Variants in CIP2A observed in about 807,000 individuals in gnomAD.
The protein encoded by CIP2A is protein CIP2A.
Under a neutral mutation model 110.9 loss-of-function variants are expected in CIP2A, and 103 were observed. That is an observed-to-expected ratio of 0.93 (90% CI 0.79 to 1.09). The LOEUF (loss-of-function observed/expected upper bound fraction) is 1.09, where lower values mean the gene tolerates loss of function less well. Ranked by LOEUF, CIP2A falls within the 50% of genes least tolerant of loss-of-function variation. The pLI is 0.00. For missense variants in CIP2A, 1,088 were observed against 1,038.4 expected, an observed-to-expected ratio of 1.05 and a Z score of -0.66; for synonymous variants, 381 against 361.6, an observed-to-expected ratio of 1.05 and a Z score of -0.61.
intron 8 of CIP2A, among the ~76,000 whole-genome samples, chr3:108,575,238 CA>C (rs1284499066): frequency 6.6e-6 from 1 of 151,718 alleles, no homozygotes; most frequent in Non-Finnish European, 1.5e-5. Context: ...TTTATTTATA[CA>C]AAGTTCCAAA....
intron 13 of CIP2A, among the ~76,000 whole-genome samples, chr3:108,562,043 A>G (rs1443487755): frequency 2.6e-5 from 4 of 152,134 alleles, no homozygotes; most frequent in Non-Finnish European, 5.9e-5. Context: ...TGTAACTTGA[A>G]AAGCTTCCTG....
intron 1 of CIP2A, chr3:108,585,693 C>A (rs1368282759): frequency 4.4e-6 from 2 of 456,196 alleles, no homozygotes; most frequent in Admixed American, 2.4e-5. Flanking sequence ...AAAAATGAAG[C>A]CCAGAGGGTA....
At chr3:108,563,624 C>A (rs1349471109) in intron 12 of CIP2A, among the ~76,000 whole-genome samples, 1 of 151,614 alleles carries the variant, frequency 6.6e-6, no homozygotes, top group Non-Finnish European at 1.5e-5. Flanking sequence ...CAAATTAAGG[C>A]TATAAAATAA....
At chr3:108,567,210 T>C (rs1488873056) in intron 10 of CIP2A, among the ~76,000 whole-genome samples, 1 of 151,624 alleles carries the variant, frequency 6.6e-6, no homozygotes, top group Non-Finnish European at 1.5e-5. Flanking sequence ...CCAATTAAAT[T>C]AGAAACTCTT....
At position 108,553,715 on chromosome 3, in the gene CIP2A, T is replaced by C. The variant is rs1937664877; in HGVS notation, c.2340A>G (p.Leu780=). The change falls in exon 19 of 21, where the codon TTA becomes TTG. Residue 780 remains leucine, a synonymous_variant. Coordinates refer to ENST00000295746, the MANE Select transcript of CIP2A (RefSeq NM_020890.3). ...CTTTTCTCTGTTCTTCTTTCTCTAT[T>C]AATTGGGCAATACTTCTGAAGTTAT... is the stretch of plus-strand genomic sequence containing the variant. ...KEQNEKSIAQ[L]IEKEEQRKEV... is the part of the protein sequence containing the mutation. 1 of 1,471,970 alleles carries C rather than the reference T, an allele frequency of 6.8e-7. No individual in the cohort carries two copies. Among genetic ancestry groups the C allele is most frequent in the Non-Finnish European group, 9.5e-7 (1 of 1,054,344 alleles). The allele number at this position is 1,471,970 out of a possible 1,614,324, so 91.2% of individuals were successfully genotyped here.
rs777292363 is a variant in CIP2A at position 108,581,504 on chromosome 3, A to G, written c.460T>C (p.Ser154Pro). ...ITFLIDHIQS[S>P]EDELKMPCLG... ...CAAGGCATTTTTAACTCATCTTCAG[A>G]AGATTGACTGTTGTTTTACATTGGT... The change falls in exon 5 of 21, where the codon TCT becomes CCT. Residue 154 changes from serine to proline, a missense_variant. Transcript: ENST00000295746. 3.1e-6 allele frequency: 5 copies of G among 1,601,874 alleles called. No homozygotes were observed. The Admixed American group carries it at 6.7e-5, about 21-fold the overall frequency.
intron 19 of CIP2A, 117 bp downstream of exon 19, chr3:108,553,531 A>G (rs1326501668): frequency 1.3e-5 from 12 of 904,348 alleles, no homozygotes; most frequent in Non-Finnish European, 1.9e-5. Flanking sequence ...AAGCCATTCC[A>G]AATATGATTT....
intron 4 of CIP2A, 26 bp downstream of exon 4, chr3:108,582,082 G>T (rs754159019): frequency 3.0e-6 from 3 of 1,003,070 alleles, no homozygotes; most frequent in South Asian, 1.6e-5. Flanking sequence ...TAAACTATTT[G>T]GTTTTATGTT....
chr3:108,569,092 G>A (rs1030152660), intron 9 of CIP2A, among the ~76,000 whole-genome samples: 3 of 138,604 alleles, frequency 2.2e-5, no homozygotes, highest in Admixed American at 7.8e-5. Context: ...GAGAGACAAT[G>A]TAACTATCCC....
chr3:108,585,751 T>G (rs1474871191), intron 1 of CIP2A: 1 of 456,404 alleles, frequency 2.2e-6, no homozygotes, highest in African/African-American at 2.0e-5. Context: ...ATAGGTGAGC[T>G]CAGAAGTTAA....
chr3:108,560,751 G>T lies in CIP2A; in HGVS notation c.1725C>A (p.His575Gln), dbSNP rs775103248. ...AACACTTTATTGATGTTGGAAAACT[G>T]TGATTTGATGATTGCCAGGGCATTT... ...PRKMPWQSSN[H>Q]SFPTSIKCLT... The change falls in exon 14 of 21, where the codon CAC becomes CAA. Residue 575 changes from histidine (H) to glutamine (Q), a missense_variant. Transcript: ENST00000295746. 6.2e-7 allele frequency: 1 copy of T among 1,612,492 alleles called. No homozygotes were observed. The highest frequency in any genetic ancestry group is 8.5e-7 in the Non-Finnish European group (1 of 1,178,844).
chr3:108,570,877 T>A lies in CIP2A; in HGVS notation c.895-1270A>T, dbSNP rs913446373. ...TTTATAAACCTATCCATTTTTAAAG[T>A]TTTTGACTCTTTTGTAGTAAGAGAA... On this transcript the variant is annotated intron_variant, in intron 8 of 20. Transcript: ENST00000295746. 2.0e-5 allele frequency among the ~76,000 whole-genome samples: 3 copies of A among 152,170 alleles called. No individual in the cohort carries two copies. The South Asian group carries it at 6.2e-4, about 31-fold the overall frequency.
chr3:108,552,066 A>G (rs1937608188), intron 20 of CIP2A, among the ~76,000 whole-genome samples, 168 bp downstream of exon 20: 1 of 152,180 alleles, frequency 6.6e-6, no homozygotes, highest in South Asian at 2.1e-4. Flanking sequence ...ACTATTTTAG[A>G]AAATACATTA....
chr3:108,557,122 T>C lies in CIP2A; in HGVS notation c.2210+96A>G, dbSNP rs530693394. 5 of 715,978 alleles carry C rather than the reference T, an allele frequency of 7.0e-6. No homozygotes were observed. The East Asian group carries it at 7.6e-5, about 11-fold the overall frequency. 44.4% of individuals were successfully genotyped at this position (715,978 alleles called of 1,614,324 possible). ...TTACCTCATGTGTTATCAGAATATA[T>C]GAAATGCTTACAAAAGGATTTTCGG... is the stretch of plus-strand genomic sequence containing the variant. On this transcript the variant is annotated intron_variant, in intron 17 of 20. Coordinates refer to ENST00000295746, the MANE Select transcript of CIP2A (RefSeq NM_020890.3).
At chr3:108,587,397 G>A (rs1424785206) in intron 1 of CIP2A, among the ~76,000 whole-genome samples, 1 of 152,112 alleles carries the variant, frequency 6.6e-6, no homozygotes, top group Non-Finnish European at 1.5e-5. Flanking sequence ...AGATTTTATT[G>A]AGTGGAAAAG....
chr3:108,569,514 T>A lies in CIP2A; in HGVS notation c.988A>T (p.Thr330Ser). Residue 330 changes from threonine to serine, a missense_variant, in exon 9 of 21, where the codon ACT (threonine) becomes TCT (serine). Coordinates refer to ENST00000295746, the MANE Select transcript of CIP2A (RefSeq NM_020890.3). ...AAACATTTAGTATGGCTTCCCAGAG[T>A]GGCGCTGCCAGGTGGAGACTGTTCA... is the stretch of plus-strand genomic sequence containing the variant. Reference protein sequence around the residue: ...MFEQSPPGSATLGSHTKCLEP... With the variant: ...MFEQSPPGSASLGSHTKCLEP... 6.2e-7 allele frequency: 1 copy of A among 1,612,726 alleles called. No individual in the cohort carries two copies. Among genetic ancestry groups the A allele is most frequent in the Non-Finnish European group, 8.5e-7 (1 of 1,179,320 alleles).
intron 20 of CIP2A, 83 bp from the exon 21 acceptor site, chr3:108,551,402 G>T: frequency 1.0e-6 from 1 of 985,618 alleles, no homozygotes; most frequent in South Asian, 2.5e-5. Context: ...ATTTTAAGAT[G>T]CTTTTATTTT....
chr3:108,579,476 C>T, intron 6 of CIP2A, 50 bp from the exon 7 acceptor site: 1 of 1,560,802 alleles, frequency 6.4e-7, no homozygotes, highest in Admixed American at 1.9e-5. Context: ...TAAGTTGACA[C>T]CATCCTAAAA....
chr3:108,589,407 C>T lies in CIP2A; in HGVS notation c.-32G>A, dbSNP rs1939239185. 1 of 1,511,412 alleles carries T rather than the reference C, an allele frequency of 6.6e-7. No individual in the cohort carries two copies. The highest frequency in any genetic ancestry group is 9.1e-7 in the Non-Finnish European group (1 of 1,095,746). The allele number at this position is 1,511,412 out of a possible 1,614,324, so 93.6% of individuals were successfully genotyped here. On this transcript the variant is annotated 5_prime_UTR_variant, in exon 1 of 21. Coordinates refer to ENST00000295746, the MANE Select transcript of CIP2A (RefSeq NM_020890.3). ...GGCCGCGGCCCGGCTTAGGGACCAC[C>T]ACCGCCCAGCGTGCGCCGGCCTTTA... is the stretch of plus-strand genomic sequence containing the variant.
Sources: gnomAD v4.1 joint callset for allele counts (sites outside exome capture counted in the v4.1 genomes callset) on GRCh38, gnomAD v4.1.1 for gene constraint, MANE v1.5 for transcripts, NCBI Gene and HGNC (gene_info 2026-07-23, HGNC 2026-07-21) for gene names.